Variants in SAG observed in about 807,000 individuals in gnomAD.
SAG encodes the protein S-arrestin.
SAG carries 45 observed loss-of-function variants against 55.0 expected under a neutral mutation model. That is an observed-to-expected ratio of 0.82 (90% CI 0.64 to 1.05). The LOEUF is 1.05. Ranked by LOEUF, SAG falls within the 50% of genes least tolerant of loss-of-function variation. SAG has a pLI of 0.00. For missense variants in SAG, 455 were observed against 512.1 expected, an observed-to-expected ratio of 0.89 and a Z score of 1.08; for synonymous variants, 189 against 197.4, an observed-to-expected ratio of 0.96 and a Z score of 0.36.
intron 2 of SAG, among the ~76,000 whole-genome samples, chr2:233,312,840 A>T (rs1700112756): frequency 6.6e-6 from 1 of 152,094 alleles, no homozygotes; most frequent in Non-Finnish European, 1.5e-5. Flanking sequence ...TTCCCTCCTC[A>T]GTGCCCTCCC....
At chr2:233,331,510 CCTAG>C in intron 9 of SAG, 126 bp from the exon 10 acceptor site, 1 of 720,160 alleles carries the variant, frequency 1.4e-6, no homozygotes, top group Non-Finnish European at 2.5e-6. Context: ...GCTGAGAAAG[CCTAG>C]CCTTGGAAGT....
At chr2:233,308,478 A>C (rs1559428629) in intron 1 of SAG, among the ~76,000 whole-genome samples, 2 of 152,118 alleles carry the variant, frequency 1.3e-5, no homozygotes, top group Non-Finnish European at 2.9e-5. Context: ...TAAAAAAAAA[A>C]AAAACCTCAG....
intron 11 of SAG, among the ~76,000 whole-genome samples, chr2:233,337,374 G>A (rs769466474): frequency 1.3e-4 from 20 of 152,230 alleles, no homozygotes; most frequent in Non-Finnish European, 2.5e-4. Context: ...GAGTAGCTGG[G>A]ATTAGAGGCT....
chr2:233,331,044 T>C (rs1332596286), intron 9 of SAG, among the ~76,000 whole-genome samples: 1 of 152,072 alleles, frequency 6.6e-6, no homozygotes, highest in African/African-American at 2.4e-5. Flanking sequence ...AGACCCTGCC[T>C]TTATTTTTTA....
rs1404909847 is a variant in SAG at position 233,343,083 on chromosome 2, T to G, written c.1102+757T>G. On this transcript the variant is annotated intron_variant, in intron 14 of 15. Transcript: ENST00000409110. ...GAAGATAACTGTTTTTTTTTGGGGT[T>G]TTTTTTTTTTTTTTTTTTTTCTGAG... 3.3e-3 allele frequency: 355 copies of G among 108,866 alleles called. 2 individuals carry two copies. Among genetic ancestry groups the G allele is most frequent in the East Asian group, 0.029 (129 of 4,404 alleles). The allele number at this position is 108,866 out of a possible 1,614,324, so 6.7% of individuals were successfully genotyped here. A position where few individuals can be genotyped will look rare whatever the true frequency, so the allele number is the denominator to read the frequency against.
At chr2:233,342,997 A>T (rs1392038327) in intron 14 of SAG, 2 of 151,804 alleles carry the variant, frequency 1.3e-5, no homozygotes, top group East Asian at 1.9e-4. Context: ...AGCTCAAGTG[A>T]TCTTTCTGCC....
intron 9 of SAG, 76 bp from the exon 10 acceptor site, chr2:233,331,564 C>T: frequency 1.1e-6 from 1 of 910,340 alleles, no homozygotes. Flanking sequence ...CCAGCGTGTA[C>T]CCTGGGAGGC....
chr2:233,339,964 C>G (rs1174341594), intron 12 of SAG, among the ~76,000 whole-genome samples: 1 of 146,464 alleles, frequency 6.8e-6, no homozygotes, highest in African/African-American at 2.5e-5. Context: ...GCCCAGCCAA[C>G]TTTTTTTTTT....
At position 233,338,722 on chromosome 2, in the gene SAG, T is replaced by A. The variant is rs1559452593; in HGVS notation, c.991T>A (p.Tyr331Asn). Residue 331 changes from tyrosine (Y) to asparagine (N), a missense_variant, in exon 12 of 16, where the codon TAC becomes AAC. Tyr to Asn is a moderately radical substitution (Grantham distance 143). Transcript: ENST00000409110. Reference protein sequence around the residue: ...DRTVLGILVSYQIKVKLTVSG... With the variant: ...DRTVLGILVSNQIKVKLTVSG... ...GACCGTCCTGGGAATCCTGGTGTCT[T>A]ACCAGATCAAGGTGAAGCTCACAGT... The A allele has an allele frequency of 5.6e-6, 9 of 1,613,978 alleles. No individual in the cohort carries two copies. The highest frequency in any genetic ancestry group is 7.6e-6 in the Non-Finnish European group (9 of 1,179,878).
At chr2:233,338,957 G>C in intron 12 of SAG, 1 of 675,132 alleles carries the variant, frequency 1.5e-6, no homozygotes, top group Non-Finnish European at 2.7e-6. Context: ...AAAGGGTGGA[G>C]AAGCAGACTC....
At chr2:233,331,832 CT>C in intron 10 of SAG, 120 bp downstream of exon 10, 1 of 746,092 alleles carries the variant, frequency 1.3e-6, no homozygotes, top group Non-Finnish European at 2.4e-6. Context: ...CTTCCACTTC[CT>C]TCCTCTTTCT....
chr2:233,338,504 C>T (rs1163040701), intron 11 of SAG, 172 bp from the exon 12 acceptor site: 1 of 634,872 alleles, frequency 1.6e-6, no homozygotes, highest in East Asian at 2.7e-5. Context: ...CAAGGAGTCC[C>T]CATACCCACT....
chr2:233,313,802 C>T (rs181377476), intron 2 of SAG, among the ~76,000 whole-genome samples: 39 of 146,414 alleles, frequency 2.7e-4, no homozygotes, highest in Admixed American at 7.0e-4. Flanking sequence ...CTCCTGACTT[C>T]AGGTGATCCT....
chr2:233,339,590 AG>A (rs1559453255), intron 12 of SAG, among the ~76,000 whole-genome samples: 5 of 149,608 alleles, frequency 3.3e-5, no homozygotes, highest in Non-Finnish European at 7.4e-5. Context: ...ATCTAAAAAC[AG>A]GGTGGAGTTT....
chr2:233,325,402 T>G (rs758357647), intron 6 of SAG, among the ~76,000 whole-genome samples: 9 of 150,734 alleles, frequency 6.0e-5, no homozygotes, highest in Non-Finnish European at 1.3e-4. Flanking sequence ...GATTGGAAAA[T>G]CTCAGAGTAT....
intron 14 of SAG, chr2:233,343,477 T>C (rs1408355035): frequency 4.3e-6 from 1 of 234,566 alleles, no homozygotes; most frequent in African/African-American, 2.3e-5. Flanking sequence ...CTCAGCTCAT[T>C]TGAATTATAA....
At chr2:233,331,296 TCTAG>T (rs752561918) in intron 9 of SAG, among the ~76,000 whole-genome samples, 3 of 152,154 alleles carry the variant, frequency 2.0e-5, no homozygotes, top group African/African-American at 4.8e-5. Flanking sequence ...CTGTACTGCC[TCTAG>T]CTAGTCTCTT....
chr2:233,328,570 T>C lies in SAG; in HGVS notation c.605T>C (p.Met202Thr). The change falls in exon 8 of 16, where the codon ATG becomes ACG. Residue 202 changes from methionine (M) to threonine (T), a missense_variant. Met to Thr is a moderately conservative substitution (Grantham distance 81, BLOSUM62 -1). Transcript: ENST00000409110. ...GCTGAGGCGGCCTGGCAGTTCTTCA[T>C]GTCTGACAAGCCCCTGCACCTTGCG... ...PRAEAAWQFF[M>T]SDKPLHLAVS... The C allele has an allele frequency of 6.2e-7, 1 of 1,613,946 alleles. No homozygotes were observed.
chr2:233,328,613 G>C lies in SAG; in HGVS notation c.648G>C (p.Glu216Asp). 1 of 1,608,336 alleles carries C rather than the reference G, an allele frequency of 6.2e-7. No homozygotes were observed. Among genetic ancestry groups the C allele is most frequent in the Non-Finnish European group, 8.5e-7 (1 of 1,175,996 alleles). The change falls in exon 8 of 16, where the codon GAG becomes GAC. Residue 216 changes from glutamate (E) to aspartate (D), a missense_variant and splice_region_variant. By Grantham distance (45) the Glu-to-Asp change is conservative (BLOSUM62 2). Coordinates refer to ENST00000409110, the MANE Select transcript of SAG (RefSeq NM_000541.5). ...PLHLAVSLNK[E>D]IYFHGEPIPV... Reference sequence around the variant, plus strand: ...ACCTTGCGGTCTCTCTCAACAAAGAGGTAACCACCTACCATCGCTACTACC... The same window carrying C: ...ACCTTGCGGTCTCTCTCAACAAAGACGTAACCACCTACCATCGCTACTACC...
Sources: gnomAD v4.1 joint callset for allele counts (sites outside exome capture counted in the v4.1 genomes callset) on GRCh38, gnomAD v4.1.1 for gene constraint, MANE v1.5 for transcripts, NCBI Gene and HGNC (gene_info 2026-07-23, HGNC 2026-07-21) for gene names.